AGPS: variants seen among roughly 807,000 people sequenced by gnomAD.
AGPS encodes the protein alkylglycerone phosphate synthase, also known as alkyldihydroxyacetonephosphate synthase, peroxisomal.
In AGPS, 26 loss-of-function variants were observed where a neutral mutation model predicts 90.7. The ratio of observed to expected loss-of-function variants is 0.29; its 90% CI spans 0.21 to 0.40. The LOEUF is 0.40. Ranked by LOEUF, AGPS falls within the 10% of genes least tolerant of loss-of-function variation. The pLI is 1.00. For synonymous variants in AGPS, 294 were observed against 285.3 expected (o/e 1.03, Z -0.31); for missense variants, 540 against 816.1 (o/e 0.66, Z 4.12).
At chr2:177,516,838 T>C (rs1348804691) in intron 17 of AGPS, among the ~76,000 whole-genome samples, 3 of 152,172 alleles carry the variant, frequency 2.0e-5, no homozygotes, top group Admixed American at 6.5e-5. Flanking sequence ...TTATTCCTAA[T>C]GATAGTGCCC....
chr2:177,533,932 T>G (rs761614559), intron 19 of AGPS, among the ~76,000 whole-genome samples: 4 of 152,260 alleles, frequency 2.6e-5, no homozygotes, highest in Non-Finnish European at 5.9e-5. Flanking sequence ...TTATAATGGT[T>G]AGATGCTTTT....
Position 177,539,134 on chromosome 2 carries a change from A to G in AGPS, c.*939A>G, listed in dbSNP as rs896053148. On this transcript the variant is annotated 3_prime_UTR_variant, in exon 20 of 20. Transcript: ENST00000264167. ...CTAAAGAAACAGTCATCATTCAACT[A>G]CTGAATTTGAAAGCCTCAGCAGTTT... 1 of 152,168 alleles carries G rather than the reference A, an allele frequency of 6.6e-6. No homozygotes were observed. The highest frequency in any genetic ancestry group is 2.4e-5 in the African/African-American group (1 of 41,546). The allele number at this position is 152,168 out of a possible 1,614,324, so 9.4% of individuals were successfully genotyped here.
At chr2:177,532,951 A>G (rs2079151283) in intron 19 of AGPS, among the ~76,000 whole-genome samples, 1 of 152,198 alleles carries the variant, frequency 6.6e-6, no homozygotes, top group South Asian at 2.1e-4. Flanking sequence ...AGTAAAAAAA[A>G]GATTAGTGAT....
chr2:177,494,972 C>A (rs192297346), intron 12 of AGPS, among the ~76,000 whole-genome samples: 5 of 152,240 alleles, frequency 3.3e-5, no homozygotes, highest in African/African-American at 1.2e-4. Context: ...GCTGATTGGT[C>A]GGTGTTTATA....
chr2:177,461,543 C>A (rs1687292603), intron 8 of AGPS, among the ~76,000 whole-genome samples: 1 of 152,038 alleles, frequency 6.6e-6, no homozygotes, highest in Non-Finnish European at 1.5e-5. Flanking sequence ...ATAATCTGAT[C>A]TCCATAAATA....
intron 4 of AGPS, 40 bp downstream of exon 4, chr2:177,436,924 A>C (rs1686429076): frequency 6.2e-7 from 1 of 1,610,760 alleles, no homozygotes; most frequent in African/African-American, 1.3e-5. Context: ...TTTTAACAAA[A>C]AAATTCTATA....
At chr2:177,435,041 A>C (rs1231923475) in intron 3 of AGPS, among the ~76,000 whole-genome samples, 1 of 145,462 alleles carries the variant, frequency 6.9e-6, no homozygotes, top group African/African-American at 2.5e-5. Flanking sequence ...AACTAATGAA[A>C]TATTTAGCGT....
rs928903716 is a variant in AGPS at position 177,468,532 on chromosome 2, T to C, written c.1105+8T>C. The C allele has an allele frequency of 1.3e-6, 2 of 1,580,058 alleles. No homozygotes were observed. The highest frequency in any genetic ancestry group is 1.7e-5 in the Admixed American group (1 of 59,900). On this transcript the variant is annotated splice_region_variant and intron_variant, in intron 10 of 19. Transcript: ENST00000264167. ...TCATCATGGGATCTGAAGGTAAATA[T>C]AACTGTAAATTTATTAAGAAAAAAT...
chr2:177,425,915 C>T (rs1222957143), intron 2 of AGPS, among the ~76,000 whole-genome samples: 1 of 152,044 alleles, frequency 6.6e-6, no homozygotes, highest in Non-Finnish European at 1.5e-5. Flanking sequence ...ATAGTTTTTT[C>T]TAGTTCTGTG....
At chr2:177,429,365 G>A (rs1439893439) in intron 2 of AGPS, among the ~76,000 whole-genome samples, 2 of 152,184 alleles carry the variant, frequency 1.3e-5, no homozygotes, top group Non-Finnish European at 2.9e-5. Flanking sequence ...GAGAGGTATT[G>A]TGGTCATTTG....
At chr2:177,420,953 A>G (rs1373841917) in intron 2 of AGPS, among the ~76,000 whole-genome samples, 7 of 151,870 alleles carry the variant, frequency 4.6e-5, no homozygotes, top group African/African-American at 1.2e-4. Flanking sequence ...TAGCTTTTCT[A>G]TGTCTTAAAT....
At chr2:177,402,389 T>G (rs1685354681) in intron 1 of AGPS, among the ~76,000 whole-genome samples, 1 of 152,212 alleles carries the variant, frequency 6.6e-6, no homozygotes. Flanking sequence ...AACCGCTGTT[T>G]AAAATATGTA....
Position 177,538,484 on chromosome 2 carries a change from GC to G in AGPS, c.*291del. 1 of 401,234 alleles carries G rather than the reference GC, an allele frequency of 2.5e-6. No homozygotes were observed. The highest frequency in any genetic ancestry group is 4.6e-6 in the Non-Finnish European group (1 of 217,834). 24.9% of individuals were successfully genotyped at this position (401,234 alleles called of 1,614,324 possible). On this transcript the variant is annotated 3_prime_UTR_variant, in exon 20 of 20. Coordinates refer to ENST00000264167, the MANE Select transcript of AGPS (RefSeq NM_003659.4). ...GTCAATTATTCCAGAGGAAGCTGCT[GC>G]CAGCTGTTTTGTATTGTTGCTTCCT... is the stretch of plus-strand genomic sequence containing the variant.
chr2:177,393,293 CG>C, intron 1 of AGPS: 3 of 985,366 alleles, frequency 3.0e-6, no homozygotes, highest in Non-Finnish European at 3.6e-6. Flanking sequence ...GAAGAACTCT[CG>C]TTGGAGAAGG....
intron 1 of AGPS, chr2:177,393,575 TG>T: frequency 1.0e-6 from 1 of 985,238 alleles, no homozygotes; most frequent in African/African-American, 1.7e-5. Context: ...GTATTGACTT[TG>T]AGGGAGGAAA....
At chr2:177,435,718 A>G (rs746849802) in intron 3 of AGPS, among the ~76,000 whole-genome samples, 1 of 152,136 alleles carries the variant, frequency 6.6e-6, no homozygotes, top group Non-Finnish European at 1.5e-5. Flanking sequence ...TTCTTTGCAT[A>G]TTCTTATATA....
chr2:177,536,319 C>T (rs1387185184), intron 19 of AGPS, among the ~76,000 whole-genome samples: 1 of 152,018 alleles, frequency 6.6e-6, no homozygotes. Context: ...GTATTCACTG[C>T]TCGTCACCCC....
Position 177,474,026 on chromosome 2 carries a change from A to G in AGPS, c.1105+5502A>G, listed in dbSNP as rs114044046. On this transcript the variant is annotated intron_variant, in intron 10 of 19. Coordinates refer to ENST00000264167, the MANE Select transcript of AGPS (RefSeq NM_003659.4). ...TGATGCCTTCTTACTAGTACCTTAG[A>G]ATTTTGATGTAGAATGAGAATTTTA... Among the ~76,000 whole-genome samples, 991 of 152,350 alleles carry G rather than the reference A, an allele frequency of 6.5e-3. 9 individuals carry two copies. Among genetic ancestry groups the G allele is most frequent in the African/African-American group, 0.023 (950 of 41,574 alleles).
rs2105746869 is a variant in AGPS, at chr2:177,538,102, G to A, written c.1884G>A (p.Lys628=). The stretch of plus-strand genomic sequence containing the variant: ...GCAAGTTACGGAAGCAATGGCTAAA[G>A]GAAAGTATCTCTGATGTCGGCTTTG... The part of the protein sequence containing the change: ...GVGKLRKQWL[K]ESISDVGFGM... The change falls in exon 20 of 20, where the codon AAG becomes AAA. Residue 628 remains lysine, a synonymous_variant. Coordinates refer to ENST00000264167, the MANE Select transcript of AGPS (RefSeq NM_003659.4). 1 of 1,613,216 alleles carries A rather than the reference G, an allele frequency of 6.2e-7. No homozygotes were observed. The highest frequency in any genetic ancestry group is 8.5e-7 in the Non-Finnish European group (1 of 1,179,344).
Sources: gnomAD v4.1 joint callset for allele counts (sites outside exome capture counted in the v4.1 genomes callset) on GRCh38, gnomAD v4.1.1 for gene constraint, MANE v1.5 for transcripts, NCBI Gene and HGNC (gene_info 2026-07-23, HGNC 2026-07-21) for gene names.